The following NALF1 variants were observed in gnomAD, a reference collection of about 807,000 sequenced individuals.
NALF1 encodes family with sequence similarity 155 member A.
NALF1 carries 3 observed loss-of-function variants against 48.4 expected under a neutral mutation model. The observed-to-expected ratio is 0.06, with a 90% CI of 0.03 to 0.16. The LOEUF (loss-of-function observed/expected upper bound fraction) is 0.16, where lower values mean the gene tolerates loss of function less well. Ranked by LOEUF, NALF1 falls within the 10% of genes least tolerant of loss-of-function variation. The pLI is 1.00. For synonymous variants in NALF1, 262 were observed against 245.7 expected, an observed-to-expected ratio of 1.07 and a Z score of -0.62; for missense variants, 526 against 571.5, an observed-to-expected ratio of 0.92 and a Z score of 0.81.
intron 1 of NALF1, among the ~76,000 whole-genome samples, chr13:107,553,087 A>G (rs1877344545): frequency 6.6e-6 from 1 of 152,166 alleles, no homozygotes; most frequent in Non-Finnish European, 1.5e-5. Flanking sequence ...TCATCAATAT[A>G]TAGTAAATGA....
intron 1 of NALF1, among the ~76,000 whole-genome samples, chr13:107,244,919 T>C (rs755811052): frequency 1.3e-5 from 2 of 152,300 alleles, no homozygotes; most frequent in Non-Finnish European, 2.9e-5. Flanking sequence ...TAAATATGTG[T>C]TTCCTATTAT....
chr13:107,385,944 T>G (rs1883523778), intron 1 of NALF1, among the ~76,000 whole-genome samples: 1 of 152,190 alleles, frequency 6.6e-6, no homozygotes, highest in Non-Finnish European at 1.5e-5. Flanking sequence ...AGATAAGCAG[T>G]CCATTATTTC....
At chr13:107,672,346 C>T (rs1042978084) in intron 1 of NALF1, among the ~76,000 whole-genome samples, 2 of 152,166 alleles carry the variant, frequency 1.3e-5, no homozygotes, top group African/African-American at 4.8e-5. Context: ...GAAACTGATG[C>T]AACATGTATT....
intron 1 of NALF1, among the ~76,000 whole-genome samples, chr13:107,256,412 T>C (rs1045127226): frequency 2.6e-5 from 4 of 152,240 alleles, no homozygotes; most frequent in Non-Finnish European, 5.9e-5. Context: ...GCTTGACTTA[T>C]GATTTTGTTG....
At chr13:107,572,842 ACTTTT>A (rs2138403058) in intron 1 of NALF1, among the ~76,000 whole-genome samples, 1 of 152,328 alleles carries the variant, frequency 6.6e-6, no homozygotes, top group South Asian at 2.1e-4. Context: ...TACAAGAGAT[ACTTTT>A]CTTTTAAAAC....
At chr13:107,231,603 T>C (rs184823098) in intron 1 of NALF1, among the ~76,000 whole-genome samples, 1 of 152,390 alleles carries the variant, frequency 6.6e-6, no homozygotes, top group East Asian at 1.9e-4. Flanking sequence ...ATTTTGGTTT[T>C]ACTAGCAGCT....
rs1028002544 is a variant in NALF1, at chr13:107,271,729, T to C, written c.916-60974A>G. The stretch of plus-strand genomic sequence containing the variant: ...CCTCAGAGCCCTGTGTCTGTACAAG[T>C]GTGTGCTTAATAAATGTAGTTCCTT... On this transcript the variant is annotated intron_variant, in intron 1 of 2. Coordinates refer to ENST00000375915, the MANE Select transcript of NALF1 (RefSeq NM_001080396.3). Among the ~76,000 whole-genome samples the C allele has an allele frequency of 2.7e-5, 4 of 148,300 alleles. No individual in the cohort carries two copies. In the East Asian group the frequency reaches 7.9e-4, roughly 29 times the overall value.
chr13:107,617,647 T>C (rs1879415974), intron 1 of NALF1, among the ~76,000 whole-genome samples: 1 of 152,064 alleles, frequency 6.6e-6, no homozygotes, highest in Non-Finnish European at 1.5e-5. Flanking sequence ...ATGAAAACAA[T>C]AGGCTAAGGC....
intron 1 of NALF1, among the ~76,000 whole-genome samples, chr13:107,729,439 AAATGT>A (rs1876247470): frequency 6.6e-6 from 1 of 151,916 alleles, no homozygotes; most frequent in Non-Finnish European, 1.5e-5. Context: ...ATAAATATGG[AAATGT>A]AATGTATAAA....
At chr13:107,817,067 A>AG (rs1385326956) in intron 1 of NALF1, among the ~76,000 whole-genome samples, 3 of 152,198 alleles carry the variant, frequency 2.0e-5, no homozygotes, top group Non-Finnish European at 2.9e-5. Flanking sequence ...AGTGAGTGTG[A>AG]GGGAAAGAGC....
rs112951690 is a variant in NALF1, at chr13:107,281,912, AC to A, written c.916-71158del. 2.6e-3 allele frequency among the ~76,000 whole-genome samples: 398 copies of A among 152,200 alleles called. 3 individuals are homozygous for A. Among genetic ancestry groups the A allele is most frequent in the African/African-American group, 9.1e-3 (377 of 41,528 alleles). On this transcript the variant is annotated intron_variant, in intron 1 of 2. Transcript: ENST00000375915. ...AATATCACGGGGCAGCCTGGGGGAA[AC>A]CACCCCCATGATTCAATTACATCCA...
chr13:107,796,567 G>C (rs1878430418), intron 1 of NALF1, among the ~76,000 whole-genome samples: 2 of 152,060 alleles, frequency 1.3e-5, no homozygotes, highest in South Asian at 2.1e-4. Context: ...TCTTCCAACA[G>C]TTATTAATAA....
intron 1 of NALF1, among the ~76,000 whole-genome samples, chr13:107,447,276 C>A (rs2139031794): frequency 6.6e-6 from 1 of 152,154 alleles, no homozygotes; most frequent in Middle Eastern, 3.4e-3. Context: ...TTTATCTCAG[C>A]AAGATCACTC....
chr13:107,569,322 G>A (rs1877910241), intron 1 of NALF1, among the ~76,000 whole-genome samples: 2 of 151,762 alleles, frequency 1.3e-5, no homozygotes, highest in Non-Finnish European at 1.5e-5. Flanking sequence ...AATACAAAAA[G>A]TTAGCCAGGC....
chr13:107,270,058 C>T (rs1270198810), intron 1 of NALF1, among the ~76,000 whole-genome samples: 1 of 151,530 alleles, frequency 6.6e-6, no homozygotes, highest in Non-Finnish European at 1.5e-5. Context: ...GCGTGAGCCA[C>T]CGCGCCTGGC....
chr13:107,361,379 G>T (rs1443031227), intron 1 of NALF1, among the ~76,000 whole-genome samples: 1 of 152,164 alleles, frequency 6.6e-6, no homozygotes, highest in Non-Finnish European at 1.5e-5. Flanking sequence ...ATTTGGCTCT[G>T]TTGCTGGTGA....
chr13:107,722,178 A>G (rs1301510431), intron 1 of NALF1, among the ~76,000 whole-genome samples: 2 of 152,152 alleles, frequency 1.3e-5, no homozygotes, highest in African/African-American at 4.8e-5. Flanking sequence ...ATCATAAAGG[A>G]AAAAGCAGTA....
intron 1 of NALF1, among the ~76,000 whole-genome samples, chr13:107,378,750 TA>T (rs1249790127): frequency 6.6e-6 from 1 of 152,172 alleles, no homozygotes; most frequent in African/African-American, 2.4e-5. Context: ...CAATATAGGT[TA>T]GAAAGGAATT....
chr13:107,667,873 C>T (rs1424446637), intron 1 of NALF1, among the ~76,000 whole-genome samples: 1 of 152,058 alleles, frequency 6.6e-6, no homozygotes, highest in Non-Finnish European at 1.5e-5. Context: ...AATCTTCTCT[C>T]CATATAATGG....
Sources: allele counts gnomAD v4.1 joint callset (sites outside exome capture counted in the v4.1 genomes callset), GRCh38; gene constraint gnomAD v4.1.1; transcripts MANE v1.5; gene names NCBI Gene and HGNC (gene_info 2026-07-23, HGNC 2026-07-21).